Variants in TANC1 observed in about 807,000 individuals in gnomAD.
TANC1 encodes protein TANC1.
In TANC1, 77 loss-of-function variants were observed where a neutral mutation model predicts 149.7. That is an observed-to-expected ratio of 0.51 (90% CI 0.43 to 0.62). TANC1 has a LOEUF of 0.62. Ranked by LOEUF, TANC1 falls within the 20% of genes least tolerant of loss-of-function variation. The pLI, the probability that TANC1 is intolerant of heterozygous loss-of-function variation, is 0.00. For missense variants in TANC1, 1,985 were observed against 2,321.8 expected, an observed-to-expected ratio of 0.85 and a Z score of 2.98; for synonymous variants, 854 against 925.0, an observed-to-expected ratio of 0.92 and a Z score of 1.39.
chr2:159,132,042 A>G (rs1011098972), intron 4 of TANC1, among the ~76,000 whole-genome samples: 4 of 152,146 alleles, frequency 2.6e-5, no homozygotes, highest in African/African-American at 9.7e-5. Context: ...CAGATTTGAT[A>G]GTTGTATAAG....
intron 3 of TANC1, among the ~76,000 whole-genome samples, chr2:159,067,511 A>T (rs2042775029): frequency 6.6e-6 from 1 of 152,218 alleles, no homozygotes; most frequent in Non-Finnish European, 1.5e-5. Flanking sequence ...ATCCAGGGGG[A>T]CATTCACCCT....
At chr2:159,050,737 T>G (rs2041403318) in intron 2 of TANC1, among the ~76,000 whole-genome samples, 1 of 152,234 alleles carries the variant, frequency 6.6e-6, no homozygotes, top group Non-Finnish European at 1.5e-5. Flanking sequence ...ATTGCTTTTG[T>G]GGTTGGTTGC....
rs184499227 is a variant in TANC1 at position 159,136,491 on chromosome 2, A to G, written c.364+193A>G. Among the ~76,000 whole-genome samples the G allele has an allele frequency of 1.1e-3, 164 of 152,342 alleles. 1 individual carries two copies. The highest frequency in any genetic ancestry group is 3.8e-3 in the African/African-American group (159 of 41,582). ...CTTGGAAATTGTATACCTGGCGTAT[A>G]AATAGTTAAGTGGGTACATATGCAT... On this transcript the variant is annotated intron_variant, in intron 5 of 26. Transcript: ENST00000263635.
Position 159,153,329 on chromosome 2 carries a change from A to G in TANC1, c.682+2773A>G, listed in dbSNP as rs115177195. Among the ~76,000 whole-genome samples the G allele has an allele frequency of 7.0e-3, 1,062 of 152,360 alleles. 10 individuals carry two copies. The highest frequency in any genetic ancestry group is 0.02 in the Middle Eastern group (6 of 294). The stretch of plus-strand genomic sequence containing the variant: ...TTGAAGCTGTGTTTTTCCTCTGCTC[A>G]AGCCAACATTTTCCCATAACTCGGC... On this transcript the variant is annotated intron_variant, in intron 7 of 26. Transcript: ENST00000263635.
At chr2:159,167,253 G>A (rs967111826) in intron 8 of TANC1, among the ~76,000 whole-genome samples, 3 of 152,156 alleles carry the variant, frequency 2.0e-5, no homozygotes, top group Admixed American at 6.5e-5. Context: ...ATGGCTGCCT[G>A]CCCCTTCTAC....
rs1194074974 is a variant in TANC1 at position 159,072,968 on chromosome 2, G to T, written c.61+6997G>T. ...AAACTGGGGAAGCTCTGAGTCATTT[G>T]TCTGCCCTGTGGTGGTTTATGCTTT... is the stretch of plus-strand genomic sequence containing the variant. On this transcript the variant is annotated intron_variant, in intron 3 of 26. Transcript: ENST00000263635. Among the ~76,000 whole-genome samples, 7 of 152,148 alleles carry T rather than the reference G, an allele frequency of 4.6e-5. 1 individual carries two copies. The highest frequency in any genetic ancestry group is 1.0e-4 in the Non-Finnish European group (7 of 68,026).
chr2:159,071,171 G>C (rs2043128948), intron 3 of TANC1, among the ~76,000 whole-genome samples: 1 of 152,114 alleles, frequency 6.6e-6, no homozygotes, highest in Non-Finnish European at 1.5e-5. Flanking sequence ...TTCAGTATTG[G>C]TGAGGAAGTA....
chr2:159,115,554 G>A (rs149684664), intron 4 of TANC1, among the ~76,000 whole-genome samples: 46 of 152,258 alleles, frequency 3.0e-4, no homozygotes, highest in East Asian at 1.5e-3. Flanking sequence ...TAATCTCATG[G>A]CACATATAGG....
At chr2:159,007,949 C>T (rs2037382564) in intron 2 of TANC1, among the ~76,000 whole-genome samples, 1 of 152,166 alleles carries the variant, frequency 6.6e-6, no homozygotes, top group Admixed American at 6.5e-5. Context: ...TTTGCTGGTA[C>T]ATTAATCTTA....
At chr2:159,048,441 T>A (rs776050637) in intron 2 of TANC1, among the ~76,000 whole-genome samples, 1 of 152,158 alleles carries the variant, frequency 6.6e-6, no homozygotes, top group Non-Finnish European at 1.5e-5. Context: ...ATCATGCTGC[T>A]CGCCCTCAGA....
chr2:159,196,488 G>A, intron 17 of TANC1, 120 bp from the exon 18 acceptor site: 1 of 755,352 alleles, frequency 1.3e-6, no homozygotes, highest in Non-Finnish European at 2.1e-6. Flanking sequence ...AAGACAAGTT[G>A]GAATGTGAAC....
At chr2:159,182,452 T>C (rs1047112438) in intron 14 of TANC1, among the ~76,000 whole-genome samples, 2 of 152,230 alleles carry the variant, frequency 1.3e-5, no homozygotes, top group African/African-American at 4.8e-5. Context: ...CTCAAATTTC[T>C]ATTTTTTAGT....
Position 159,172,245 on chromosome 2 carries a change from G to T in TANC1, c.1476G>T (p.Glu492Asp). The change falls in exon 11 of 27, where the codon GAG becomes GAT. Residue 492 changes from glutamate to aspartate, a missense_variant. Coordinates refer to ENST00000263635, the MANE Select transcript of TANC1 (RefSeq NM_033394.3). Reference protein sequence around the residue: ...SISAENQRPREDAVKYLASKV... With the variant: ...SISAENQRPRDDAVKYLASKV... ...GTGCTGAAAACCAGAGACCAAGAGA[G>T]GATGCAGTGAAATATCTTGCTTCTA... 1 of 1,614,078 alleles carries T rather than the reference G, an allele frequency of 6.2e-7. No homozygotes were observed. The highest frequency in any genetic ancestry group is 8.5e-7 in the Non-Finnish European group (1 of 1,179,946).
At chr2:159,086,282 A>T (rs1377078736) in intron 3 of TANC1, among the ~76,000 whole-genome samples, 1 of 152,100 alleles carries the variant, frequency 6.6e-6, no homozygotes, top group Non-Finnish European at 1.5e-5. Context: ...TAGCTGGGGC[A>T]GTGAGGCTCC....
Position 159,108,411 on chromosome 2 carries a change from G to A in TANC1, c.259+10577G>A, listed in dbSNP as rs543608364. ...CCAGTCACACTTTACAGCAGTGTCA[G>A]CTGCACCCTGTGGTGGTGTCAGATG... On this transcript the variant is annotated intron_variant, in intron 4 of 26. Transcript: ENST00000263635. Among the ~76,000 whole-genome samples the A allele has an allele frequency of 5.8e-4, 89 of 152,312 alleles. 1 individual carries two copies. The South Asian group carries it at 0.018, about 30-fold the overall frequency.
chr2:159,014,682 T>C (rs1292609653), intron 2 of TANC1, among the ~76,000 whole-genome samples: 1 of 152,218 alleles, frequency 6.6e-6, no homozygotes, highest in Admixed American at 6.5e-5. Context: ...AGTTATTTCT[T>C]AGATACAAAG....
At chr2:159,104,981 CTTTTTTT>C (rs146778655) in intron 4 of TANC1, among the ~76,000 whole-genome samples, 129 of 43,268 alleles carry the variant, frequency 3.0e-3, no homozygotes, top group African/African-American at 8.4e-3. Context: ...TGGATATTTG[CTTTTTTT>C]TTTTTTTTTT....
intron 19 of TANC1, among the ~76,000 whole-genome samples, chr2:159,201,736 G>T (rs1030606530): frequency 1.3e-5 from 2 of 152,180 alleles, no homozygotes; most frequent in African/African-American, 4.8e-5. Context: ...AGCTTTGTGT[G>T]GATAACAGTT....
chr2:159,129,502 C>T (rs531201173), intron 4 of TANC1, among the ~76,000 whole-genome samples: 8 of 152,128 alleles, frequency 5.3e-5, no homozygotes, highest in Admixed American at 5.2e-4. Context: ...TGGCCACATC[C>T]TTCCAGACTG....
Sources: allele counts gnomAD v4.1 joint callset (sites outside exome capture counted in the v4.1 genomes callset), GRCh38; gene constraint gnomAD v4.1.1; transcripts MANE v1.5; gene names NCBI Gene and HGNC (gene_info 2026-07-23, HGNC 2026-07-21).